PRKDC: variants seen among roughly 807,000 people sequenced by gnomAD.
PRKDC encodes protein kinase, DNA-activated, catalytic subunit.
Under a neutral mutation model 486.9 loss-of-function variants are expected in PRKDC, and 82 were observed. The observed-to-expected ratio is 0.17, with a 90% CI of 0.14 to 0.20. The LOEUF (loss-of-function observed/expected upper bound fraction) is 0.20. Ranked by LOEUF, PRKDC falls within the 10% of genes least tolerant of loss-of-function variation. PRKDC has a pLI of 1.00. For missense variants in PRKDC, 4,504 were observed against 5,038.2 expected (o/e 0.89, Z 3.21); for synonymous variants, 1,895 against 1,837.0 (o/e 1.03, Z -0.81).
rs867340752 is a variant in PRKDC at position 47,957,378 on chromosome 8, G to A, written c.208C>T (p.Arg70Trp). ...SRDFGLLVFVRKSLNSIEFRE... is the reference protein window; with the variant it reads ...SRDFGLLVFVWKSLNSIEFRE... The stretch of plus-strand genomic sequence containing the variant: ...ACTTCAATACTGTTGAGTGACTTCC[G>A]GACAAATACAAGCAAACCGAAATCT... The change falls in exon 2 of 86, where the codon CGG becomes TGG. Residue 70 changes from arginine to tryptophan, a missense_variant. This residue lies in a region of PRKDC where 145 missense variants were observed against 136.3 expected (regional missense o/e 1.06). Transcript: ENST00000314191. The A allele has an allele frequency of 6.9e-6, 11 of 1,597,804 alleles. No individual in the cohort carries two copies. The highest frequency in any genetic ancestry group is 1.7e-5 in the Admixed American group (1 of 57,292).
rs192138362 is a variant in PRKDC at position 47,924,582 on chromosome 8, A to T, written c.2419+2612T>A. Among the ~76,000 whole-genome samples, 1,118 of 151,384 alleles carry T rather than the reference A, an allele frequency of 7.4e-3. 6 individuals carry two copies. Among genetic ancestry groups the T allele is most frequent in the Middle Eastern group, 0.024 (7 of 292 alleles). On this transcript the variant is annotated intron_variant, in intron 21 of 85. Transcript: ENST00000314191. ...CTCAAAATAATAATAATAATAATAA[A>T]AAAAAGGAAAATGAGATTTGGAGGC...
intron 26 of PRKDC, among the ~76,000 whole-genome samples, chr8:47,904,062 T>G (rs189084912): frequency 3.3e-5 from 5 of 152,160 alleles, no homozygotes; most frequent in African/African-American, 1.2e-4. Context: ...AAATTTATAG[T>G]AAAATAAGCA....
intron 49 of PRKDC, 65 bp downstream of exon 49, chr8:47,857,091 T>C: frequency 1.3e-6 from 2 of 1,513,188 alleles, no homozygotes; most frequent in Non-Finnish European, 1.8e-6. Context: ...GAATTATGTG[T>C]CATAGGCTCT....
chr8:47,959,738 A>G (rs1186384064), intron 1 of PRKDC, among the ~76,000 whole-genome samples: 2 of 152,126 alleles, frequency 1.3e-5, no homozygotes, highest in Non-Finnish European at 2.9e-5. Flanking sequence ...AATGATTGCC[A>G]TATTAGGGGT....
At chr8:47,781,619 G>A (rs1424041119) in intron 80 of PRKDC, among the ~76,000 whole-genome samples, 4 of 152,110 alleles carry the variant, frequency 2.6e-5, no homozygotes, top group South Asian at 2.1e-4. Context: ...TGGTTAAAAT[G>A]TACATGTTAA....
rs377127342 is a variant in PRKDC, at chr8:47,864,663, G to A, written c.5464C>T (p.Arg1822Cys). The change falls in exon 41 of 86, where the codon CGC (arginine) becomes TGC (cysteine). Residue 1822 changes from arginine to cysteine, a missense_variant. By Grantham distance (180) the Arg-to-Cys change is radical (BLOSUM62 -3). Transcript: ENST00000314191. ...LSFTRQSFVD[R>C]SLLTLLWHCS... is the part of the protein sequence containing the mutation. Reference sequence around the variant, plus strand: ...TGCCACAGCAGAGTGAGGAGGGAGCGGTCCACAAAGGACTGGCGTGTGAAA... The same window carrying A: ...TGCCACAGCAGAGTGAGGAGGGAGCAGTCCACAAAGGACTGGCGTGTGAAA... 2.5e-5 allele frequency: 41 copies of A among 1,608,044 alleles called. No homozygotes were observed. Among genetic ancestry groups the A allele is most frequent in the African/African-American group, 9.4e-5 (7 of 74,810 alleles).
chr8:47,838,962 G>T (rs2088084684), intron 56 of PRKDC, among the ~76,000 whole-genome samples, 186 bp downstream of exon 56: 1 of 152,166 alleles, frequency 6.6e-6, no homozygotes, highest in Non-Finnish European at 1.5e-5. Flanking sequence ...AAGTTGTCAG[G>T]ATTGTAAAGC....
chr8:47,883,042 T>C (rs2089254542), intron 36 of PRKDC, among the ~76,000 whole-genome samples: 1 of 152,222 alleles, frequency 6.6e-6, no homozygotes, highest in South Asian at 2.1e-4. Context: ...ACATACTGTA[T>C]CCAGCACCTT....
chr8:47,811,178 C>T (rs954416623), intron 68 of PRKDC, among the ~76,000 whole-genome samples: 2 of 152,132 alleles, frequency 1.3e-5, no homozygotes, highest in African/African-American at 4.8e-5. Flanking sequence ...ATCTTGAATG[C>T]AGCCAGAAAA....
In PRKDC at chr8:47,858,846, C is replaced by A. The variant is rs1282634976; in HGVS notation, c.6345+3G>T. 3.7e-6 allele frequency: 6 copies of A among 1,612,244 alleles called. No homozygotes were observed. In the Admixed American group the frequency reaches 8.3e-5, roughly 22 times the overall value. ...TAACAGGTAAGATGAGTGGGAAAAG[C>A]ACCTCTTCTCCTTGAGGCGGGCCCA... On this transcript the variant is annotated splice_donor_region_variant and intron_variant, in intron 47 of 85. Transcript: ENST00000314191.
At chr8:47,957,925 G>A (rs1479855660) in intron 1 of PRKDC, among the ~76,000 whole-genome samples, 1 of 152,184 alleles carries the variant, frequency 6.6e-6, no homozygotes, top group Non-Finnish European at 1.5e-5. Context: ...GATGCAGTAC[G>A]CAAAATAATG....
At chr8:47,793,618 C>G (rs992517951) in intron 74 of PRKDC, among the ~76,000 whole-genome samples, 41 of 138,814 alleles carry the variant, frequency 3.0e-4, no homozygotes, top group Non-Finnish European at 5.3e-4. Context: ...CAGCACAATA[C>G]TCTGTCTCAA....
chr8:47,944,224 A>C (rs1453687512), intron 7 of PRKDC, among the ~76,000 whole-genome samples, 195 bp from the exon 8 acceptor site: 1 of 152,166 alleles, frequency 6.6e-6, no homozygotes, highest in Non-Finnish European at 1.5e-5. Flanking sequence ...ACAGAAAGAA[A>C]ATCTGGAATA....
Position 47,783,699 on chromosome 8 carries a change from C to T in PRKDC, c.11175+43G>A, listed in dbSNP as rs375108878. ...AAACAGATCATTCTCATCTGAAGAA[C>T]GTTCATCAGGACAGGGACTGGGTCA... On this transcript the variant is annotated intron_variant, in intron 78 of 85. Coordinates refer to ENST00000314191, the MANE Select transcript of PRKDC (RefSeq NM_006904.7). 24 of 1,594,752 alleles carry T rather than the reference C, an allele frequency of 1.5e-5. No homozygotes were observed. In the African/African-American group the frequency reaches 1.7e-4, roughly 12 times the overall value.
chr8:47,830,064 G>A (rs1341413017), intron 61 of PRKDC, among the ~76,000 whole-genome samples: 1 of 152,082 alleles, frequency 6.6e-6, no homozygotes, highest in Admixed American at 6.5e-5. Context: ...GCATGGTACT[G>A]GTACAAAAAC....
chr8:47,774,865 T>C lies in PRKDC; in HGVS notation c.12183-488A>G, dbSNP rs571980297. The stretch of plus-strand genomic sequence containing the variant: ...CTAGACTTGAACTCCCGGGCTCTAG[T>C]TATCCTCCTGCCTTGGCCTCCCAAA... On this transcript the variant is annotated intron_variant, in intron 85 of 85. Transcript: ENST00000314191. 2.0e-5 allele frequency among the ~76,000 whole-genome samples: 3 copies of C among 152,214 alleles called. No individual in the cohort carries two copies. In the East Asian group the frequency reaches 5.8e-4, roughly 29 times the overall value.
At chr8:47,928,555 A>T (rs987843467) in intron 19 of PRKDC, among the ~76,000 whole-genome samples, 78 of 147,736 alleles carry the variant, frequency 5.3e-4, no homozygotes, top group Middle Eastern at 3.6e-3. Flanking sequence ...TTATTTATTT[A>T]TTTATTTTTT....
Position 47,849,624 on chromosome 8 carries a change from A to C in PRKDC, c.7006-121T>G, listed in dbSNP as rs1046036295. 8.0e-6 allele frequency: 9 copies of C among 1,124,896 alleles called. No homozygotes were observed. In the Admixed American group the frequency reaches 1.2e-4, roughly 14 times the overall value. The allele number at this position is 1,124,896 out of a possible 1,614,324, so 69.7% of individuals were successfully genotyped here. On this transcript the variant is annotated intron_variant, in intron 52 of 85. Transcript: ENST00000314191. The stretch of plus-strand genomic sequence containing the variant: ...AAAGGTGCTCAATGTTGTCACCTAC[A>C]AGGTAGATGATGGGACAGTAGGTGC...
At chr8:47,862,219 T>G in intron 43 of PRKDC, 92 bp from the exon 44 acceptor site, 6 of 1,365,540 alleles carry the variant, frequency 4.4e-6, no homozygotes, top group South Asian at 1.3e-5. Flanking sequence ...TAATAGCTCA[T>G]GGAAAAGCAC....
Sources: allele counts gnomAD v4.1 joint callset (sites outside exome capture counted in the v4.1 genomes callset), GRCh38; gene constraint gnomAD v4.1.1; regional missense constraint gnomAD v4.1.1; transcripts MANE v1.5; gene names NCBI Gene and HGNC (gene_info 2026-07-23, HGNC 2026-07-21).